GRIK4: variants seen among roughly 807,000 people sequenced by gnomAD.
The protein encoded by GRIK4 is glutamate receptor ionotropic, kainate 4.
Under a neutral mutation model 104.9 loss-of-function variants are expected in GRIK4, and 40 were observed. The observed-to-expected ratio is 0.38, with a 90% confidence interval of 0.30 to 0.50. GRIK4 has a LOEUF of 0.50. Ranked by LOEUF, GRIK4 falls within the 20% of genes least tolerant of loss-of-function variation. The probability of loss-of-function intolerance (pLI) is 0.93; values close to 1 mark genes in which losing one functional copy is unlikely to be tolerated. For missense variants in GRIK4, 1,047 were observed against 1,308.1 expected (o/e 0.80, Z 3.08); for synonymous variants, 485 against 524.9 (o/e 0.92, Z 1.04).
chr11:120,573,449 C>T (rs564285065), intron 1 of GRIK4, among the ~76,000 whole-genome samples: 12 of 152,266 alleles, frequency 7.9e-5, no homozygotes, highest in Non-Finnish European at 1.5e-4. Context: ...CCCATACCCA[C>T]TCCCCACCTG....
chr11:120,859,799 C>G (rs1260908576), intron 8 of GRIK4, among the ~76,000 whole-genome samples: 1 of 152,228 alleles, frequency 6.6e-6, no homozygotes, highest in East Asian at 1.9e-4. Context: ...CTGGCATGTC[C>G]TTTTTCCCCT....
chr11:120,514,577 C>T (rs1415318830), intron 1 of GRIK4, among the ~76,000 whole-genome samples: 1 of 152,160 alleles, frequency 6.6e-6, no homozygotes, highest in Non-Finnish European at 1.5e-5. Flanking sequence ...TGATGGCTCA[C>T]CGTTTTCACC....
chr11:120,517,200 C>T (rs1947739204), intron 1 of GRIK4, among the ~76,000 whole-genome samples: 1 of 149,292 alleles, frequency 6.7e-6, no homozygotes, highest in Admixed American at 6.6e-5. Context: ...ATCCCTAGTG[C>T]TTGCATAGAA....
chr11:120,861,903 C>A, intron 8 of GRIK4, 56 bp from the exon 9 acceptor site: 2 of 1,335,950 alleles, frequency 1.5e-6, no homozygotes, highest in Non-Finnish European at 2.1e-6. Flanking sequence ...CAAAGTCCAT[C>A]CCTCACTTCA....
At chr11:120,521,099 T>A (rs1180087995) in intron 1 of GRIK4, among the ~76,000 whole-genome samples, 2 of 152,042 alleles carry the variant, frequency 1.3e-5, no homozygotes, top group East Asian at 1.9e-4. Context: ...TTGTTTTTCG[T>A]TTTTTTGAGA....
chr11:120,524,637 C>T lies in GRIK4; in HGVS notation c.-159+12750C>T, dbSNP rs914794359. Among the ~76,000 whole-genome samples, 1 of 152,120 alleles carries T rather than the reference C, an allele frequency of 6.6e-6. No homozygotes were observed. On this transcript the variant is annotated intron_variant, in intron 1 of 20. Transcript: ENST00000527524. The surrounding 1 kb of genome is among the most constrained non-coding windows in gnomAD (Gnocchi z 4.5). ...GGGTGACTGGTAAGAGCAAAGGTGGCGTTTGGGCTGACAGCGCTAACTTCT... is the reference window on the plus strand; with the variant it reads ...GGGTGACTGGTAAGAGCAAAGGTGGTGTTTGGGCTGACAGCGCTAACTTCT...
At chr11:120,685,761 G>A (rs1370891173) in intron 3 of GRIK4, among the ~76,000 whole-genome samples, 2 of 152,090 alleles carry the variant, frequency 1.3e-5, no homozygotes, top group South Asian at 2.1e-4. Context: ...TCTTGATCTT[G>A]GTTTCCATTA....
At chr11:120,773,911 C>T (rs939861988) in intron 3 of GRIK4, among the ~76,000 whole-genome samples, 2 of 152,132 alleles carry the variant, frequency 1.3e-5, no homozygotes, top group African/African-American at 4.8e-5. Flanking sequence ...CTGACAGAAG[C>T]AAAACAAAAC....
intron 3 of GRIK4, among the ~76,000 whole-genome samples, chr11:120,780,886 C>A (rs1054725517): frequency 6.6e-6 from 1 of 152,070 alleles, no homozygotes; most frequent in Non-Finnish European, 1.5e-5. Flanking sequence ...GGACTACAGG[C>A]GCCTGCCACC....
chr11:120,868,936 A>G (rs987261331), intron 9 of GRIK4: 1 of 152,234 alleles, frequency 6.6e-6, no homozygotes, highest in African/African-American at 2.4e-5. Flanking sequence ...GTAGCCCCAA[A>G]TGCTTTCCAG....
intron 1 of GRIK4, among the ~76,000 whole-genome samples, chr11:120,592,793 C>A (rs558690032): frequency 2.0e-5 from 3 of 152,134 alleles, no homozygotes; most frequent in Non-Finnish European, 2.9e-5. Context: ...AGGGGCTGGC[C>A]GTCCGCATGT....
intron 3 of GRIK4, among the ~76,000 whole-genome samples, chr11:120,715,709 C>T (rs757979772): frequency 6.6e-5 from 10 of 152,172 alleles, no homozygotes; most frequent in African/African-American, 1.9e-4. Flanking sequence ...GAAAACGTCC[C>T]GTGTTTGCAG....
intron 1 of GRIK4, among the ~76,000 whole-genome samples, chr11:120,571,999 T>C (rs1948406686): frequency 6.6e-6 from 1 of 152,226 alleles, no homozygotes; most frequent in South Asian, 2.1e-4. Flanking sequence ...TACCATAGAC[T>C]GAGTGGCTTA....
chr11:120,906,224 G>A (rs1404579582), intron 13 of GRIK4, among the ~76,000 whole-genome samples: 1 of 152,192 alleles, frequency 6.6e-6, no homozygotes, highest in African/African-American at 2.4e-5. Flanking sequence ...AAGTCATTGG[G>A]AATTCACCAT....
Position 120,967,385 on chromosome 11 carries a change from G to C in GRIK4, c.2395+62G>C. ...AGGACCAAAGTAGCTTGTTTCTCGT[G>C]TTCAAATTCCAGGTACACATAATGA... is the stretch of plus-strand genomic sequence containing the variant. On this transcript the variant is annotated intron_variant, in intron 19 of 20. Coordinates refer to ENST00000527524, the MANE Select transcript of GRIK4 (RefSeq NM_014619.5). This position sits in a 1 kb window ranked among gnomAD's most constrained non-coding sequence, Gnocchi z 4.2. 1 of 1,531,212 alleles carries C rather than the reference G, an allele frequency of 6.5e-7. No homozygotes were observed. The highest frequency in any genetic ancestry group is 8.8e-7 in the Non-Finnish European group (1 of 1,131,926). 94.9% of individuals were successfully genotyped at this position (1,531,212 alleles called of 1,614,324 possible).
intron 3 of GRIK4, among the ~76,000 whole-genome samples, chr11:120,701,655 A>T (rs550652936): frequency 6.6e-6 from 1 of 152,314 alleles, no homozygotes; most frequent in African/African-American, 2.4e-5. Flanking sequence ...TTGCTGCGTC[A>T]TATGGTAGTT....
chr11:120,840,966 T>C (rs1242351701), intron 8 of GRIK4, among the ~76,000 whole-genome samples: 2 of 152,228 alleles, frequency 1.3e-5, no homozygotes, highest in Non-Finnish European at 2.9e-5. Context: ...GCTAGGTGCC[T>C]CATAGAAGTG....
At chr11:120,772,437 T>C (rs1304735786) in intron 3 of GRIK4, among the ~76,000 whole-genome samples, 2 of 152,176 alleles carry the variant, frequency 1.3e-5, no homozygotes, top group Non-Finnish European at 1.5e-5. Flanking sequence ...TGCTAGGCTC[T>C]GTAGTAAGTA....
At position 120,965,100 on chromosome 11, in the gene GRIK4, A is replaced by G. The variant is rs113940073; in HGVS notation, c.2267-2095A>G. Among the ~76,000 whole-genome samples, 9 of 152,346 alleles carry G rather than the reference A, an allele frequency of 5.9e-5. 1 individual carries two copies. Among genetic ancestry groups the G allele is most frequent in the African/African-American group, 1.9e-4 (8 of 41,582 alleles). On this transcript the variant is annotated intron_variant, in intron 18 of 20. Transcript: ENST00000527524. ...GATACAAGCATGTATATCATTCTTA[A>G]GTGGAATGTAAGAGCCTAACTATGG... is the stretch of plus-strand genomic sequence containing the variant.
Sources: allele counts gnomAD v4.1 joint callset (sites outside exome capture counted in the v4.1 genomes callset), GRCh38; gene constraint gnomAD v4.1.1; non-coding constraint Gnocchi (gnomAD v3.1); transcripts MANE v1.5; gene names NCBI Gene and HGNC (gene_info 2026-07-23, HGNC 2026-07-21).